The following ZNF654 variants were observed in gnomAD, a reference collection of about 807,000 sequenced individuals.
ZNF654 encodes zinc finger protein 654.
A neutral mutation model predicts 95.3 loss-of-function variants in ZNF654; 19 were observed. The observed-to-expected ratio is 0.20, with a 90% CI of 0.14 to 0.29. The LOEUF is 0.29. Among genes scored for constraint, ZNF654 ranks in the 10% least tolerant of loss-of-function variants. The pLI, the probability that ZNF654 is intolerant of heterozygous loss-of-function variation, is 1.00. For synonymous variants in ZNF654, 413 were observed against 457.9 expected, an observed-to-expected ratio of 0.90 and a Z score of 1.25; for missense variants, 1,046 against 1,341.0, an observed-to-expected ratio of 0.78 and a Z score of 3.44.
At chr3:88,113,848 A>G (rs1447991698) in intron 3 of ZNF654, among the ~76,000 whole-genome samples, 4 of 152,150 alleles carry the variant, frequency 2.6e-5, no homozygotes, top group African/African-American at 9.7e-5. Flanking sequence ...CCATGGTGTT[A>G]AAGGCTTATA....
chr3:88,062,279 G>A (rs1706928541), intron 1 of ZNF654, among the ~76,000 whole-genome samples: 1 of 152,200 alleles, frequency 6.6e-6, no homozygotes, highest in South Asian at 2.1e-4. Flanking sequence ...GCATGAACAA[G>A]TTAAGGTGTC....
At chr3:88,129,320 G>GAA (rs1706300538) in intron 5 of ZNF654, among the ~76,000 whole-genome samples, 1 of 50,584 alleles carries the variant, frequency 2.0e-5, no homozygotes, top group Non-Finnish European at 4.3e-5. Flanking sequence ...CTTGCCAGGA[G>GAA]TAAAAAAAAA....
chr3:88,097,275 GC>G (rs1037300215), intron 2 of ZNF654, among the ~76,000 whole-genome samples: 13 of 151,954 alleles, frequency 8.6e-5, no homozygotes, highest in Admixed American at 2.0e-4. Flanking sequence ...GGTAGATGCT[GC>G]CAAATTTCCT....
At chr3:88,115,710 A>C (rs915818599) in intron 3 of ZNF654, among the ~76,000 whole-genome samples, 1 of 152,168 alleles carries the variant, frequency 6.6e-6, no homozygotes, top group Admixed American at 6.5e-5. Context: ...CTTAGAGCCA[A>C]ATGTTCCATT....
chr3:88,082,308 G>A (rs1708119783), intron 1 of ZNF654, among the ~76,000 whole-genome samples: 1 of 152,078 alleles, frequency 6.6e-6, no homozygotes, highest in African/African-American at 2.4e-5. Context: ...TATATTTTTA[G>A]TAGTGACAGG....
At chr3:88,075,238 A>G (rs1244747133) in intron 1 of ZNF654, among the ~76,000 whole-genome samples, 1 of 152,230 alleles carries the variant, frequency 6.6e-6, no homozygotes, top group African/African-American at 2.4e-5. Flanking sequence ...TATAAAGAGC[A>G]TATCACTTAC....
chr3:88,100,142 A>G (rs529099671), intron 2 of ZNF654, among the ~76,000 whole-genome samples: 27 of 152,234 alleles, frequency 1.8e-4, no homozygotes, highest in African/African-American at 6.3e-4. Flanking sequence ...AAATCAAACA[A>G]CCCCATCAGA....
chr3:88,125,092 G>A (rs911102216), intron 3 of ZNF654, among the ~76,000 whole-genome samples: 1 of 151,908 alleles, frequency 6.6e-6, no homozygotes, highest in South Asian at 2.1e-4. Context: ...ACACGCGCCT[G>A]TAGTCCCAGC....
chr3:88,140,210 T>G lies in ZNF654; in HGVS notation c.2541T>G (p.Ser847Arg), dbSNP rs759199297. Residue 847 changes from serine to arginine, a missense_variant, in exon 8 of 9, where the codon AGT becomes AGG. By Grantham distance (110) the Ser-to-Arg change is moderately radical (BLOSUM62 -1). Around this residue, in one of 9 missense-constraint regions of ZNF654, gnomAD observed 495 missense variants for 537.0 expected, o/e 0.92. Transcript: ENST00000636215. ...KSHRIFQAQC[S>R]FPECHELFED... ...ACAGGATATTTCAGGCTCAGTGTAGTTTTCCAGAATGCCATGAGCTTTTTG... is the reference window on the plus strand; with the variant it reads ...ACAGGATATTTCAGGCTCAGTGTAGGTTTCCAGAATGCCATGAGCTTTTTG... 6.2e-7 allele frequency: 1 copy of G among 1,613,828 alleles called. No homozygotes were observed. Among genetic ancestry groups the G allele is most frequent in the South Asian group, 1.1e-5 (1 of 91,066 alleles).
At chr3:88,076,027 G>A (rs1019699327) in intron 1 of ZNF654, among the ~76,000 whole-genome samples, 6 of 152,130 alleles carry the variant, frequency 3.9e-5, no homozygotes, top group African/African-American at 1.4e-4. Flanking sequence ...TTTTCTTTAT[G>A]GCACAATGCC....
At chr3:88,101,584 C>T (rs1254139225) in intron 2 of ZNF654, among the ~76,000 whole-genome samples, 1 of 152,026 alleles carries the variant, frequency 6.6e-6, no homozygotes, top group East Asian at 1.9e-4. Context: ...TTTATTTATG[C>T]ATTCAGCAAT....
chr3:88,082,577 C>T (rs140188272), intron 1 of ZNF654, among the ~76,000 whole-genome samples: 49 of 152,250 alleles, frequency 3.2e-4, no homozygotes, highest in African/African-American at 8.4e-4. Context: ...AAGAATAATA[C>T]GGACGTGAAT....
intron 7 of ZNF654, among the ~76,000 whole-genome samples, chr3:88,137,165 A>G (rs1479250968): frequency 1.6e-5 from 2 of 127,008 alleles, no homozygotes; most frequent in Non-Finnish European, 3.2e-5. Flanking sequence ...ATTCTACTCC[A>G]GCCTGGGTGA....
At chr3:88,076,689 G>A (rs768681633) in intron 1 of ZNF654, among the ~76,000 whole-genome samples, 4 of 152,092 alleles carry the variant, frequency 2.6e-5, no homozygotes, top group Non-Finnish European at 4.4e-5. Context: ...CTTCTTGTGC[G>A]TATATTTTGG....
chr3:88,063,106 G>A (rs1331715973), intron 1 of ZNF654, among the ~76,000 whole-genome samples: 7 of 152,170 alleles, frequency 4.6e-5, no homozygotes. Flanking sequence ...GGCAATGTCA[G>A]GAGATAGTTT....
Position 88,141,559 on chromosome 3 carries a change from AG to A in ZNF654, c.3380-83del, listed in dbSNP as rs1466234330. 1.9e-5 allele frequency: 18 copies of A among 969,058 alleles called. No individual in the cohort carries two copies. In the South Asian group the frequency reaches 4.3e-4, roughly 23 times the overall value. The allele number at this position is 969,058 out of a possible 1,614,324, so 60.0% of individuals were successfully genotyped here. ...TAATATCAATATCCTTTAAAATGAC[AG>A]GGTATAAATTAAACAGGAATCTGAC... On this transcript the variant is annotated intron_variant, in intron 8 of 8. Coordinates refer to ENST00000636215, the MANE Select transcript of ZNF654 (RefSeq NM_001350134.2).
intron 2 of ZNF654, among the ~76,000 whole-genome samples, chr3:88,107,581 C>T (rs887524894): frequency 6.6e-5 from 10 of 152,142 alleles, no homozygotes; most frequent in Non-Finnish European, 1.5e-4. Context: ...GTCTTTGCCA[C>T]ATTTCTTATT....
intron 1 of ZNF654, among the ~76,000 whole-genome samples, chr3:88,059,769 C>T (rs1160031454): frequency 2.0e-5 from 3 of 152,050 alleles, no homozygotes; most frequent in Non-Finnish European, 2.9e-5. Context: ...GTCGGCTGTC[C>T]GGAAAGCTCT....
At chr3:88,138,639 A>G in intron 7 of ZNF654, 66 bp from the exon 8 acceptor site, 1 of 966,470 alleles carries the variant, frequency 1.0e-6, no homozygotes, top group Non-Finnish European at 1.3e-6. Flanking sequence ...TGTTTTTTAA[A>G]GATAGACTAG....
Sources: allele counts gnomAD v4.1 joint callset (sites outside exome capture counted in the v4.1 genomes callset), GRCh38; gene constraint gnomAD v4.1.1; regional missense constraint gnomAD v4.1.1; transcripts MANE v1.5; gene names NCBI Gene and HGNC (gene_info 2026-07-23, HGNC 2026-07-21).